The following SMYD3 variants were observed in gnomAD, a reference collection of about 807,000 sequenced individuals.
SMYD3 encodes histone-lysine N-methyltransferase SMYD3.
In SMYD3, 36 loss-of-function variants were observed where a neutral mutation model predicts 57.7. The ratio of observed to expected loss-of-function variants is 0.62; its 90% CI spans 0.48 to 0.82. The LOEUF (loss-of-function observed/expected upper bound fraction) is 0.82, where lower values mean the gene tolerates loss of function less well. Ranked by LOEUF, SMYD3 falls within the 40% of genes least tolerant of loss-of-function variation. The probability of loss-of-function intolerance (pLI) is 0.00; values close to 1 mark genes in which losing one functional copy is unlikely to be tolerated. For missense variants in SMYD3, 515 were observed against 538.8 expected (o/e 0.96, Z 0.44); for synonymous variants, 211 against 195.0 (o/e 1.08, Z -0.68).
rs575776942 is a variant in SMYD3, at chr1:246,182,669, T to G, written c.531+144532A>C. Among the ~76,000 whole-genome samples, 285 of 152,314 alleles carry G rather than the reference T, an allele frequency of 1.9e-3. 1 individual carries two copies. The highest frequency in any genetic ancestry group is 6.6e-3 in the African/African-American group (276 of 41,568). On this transcript the variant is annotated intron_variant, in intron 5 of 11. Coordinates refer to ENST00000490107, the MANE Select transcript of SMYD3 (RefSeq NM_001167740.2). Reference sequence around the variant, plus strand: ...TGTTCTTCCACCATATAAAGCACTTTGAGTCACAATTAGAAAAATAAAACT... The same window carrying G: ...TGTTCTTCCACCATATAAAGCACTTGGAGTCACAATTAGAAAAATAAAACT...
intron 5 of SMYD3, among the ~76,000 whole-genome samples, chr1:246,146,961 G>C (rs2061852975): frequency 1.3e-5 from 2 of 152,198 alleles, no homozygotes; most frequent in African/African-American, 2.4e-5. Context: ...TGGAGTTAGA[G>C]ACAGGCCGTT....
intron 10 of SMYD3, among the ~76,000 whole-genome samples, chr1:245,842,139 C>T (rs144315145): frequency 6.6e-6 from 1 of 152,076 alleles, no homozygotes; most frequent in Non-Finnish European, 1.5e-5. Context: ...ATGACGATTG[C>T]GTGACAACAA....
In SMYD3 at chr1:245,792,711, A is replaced by G. The variant is rs186735878; in HGVS notation, c.1077-28562T>C. The stretch of plus-strand genomic sequence containing the variant: ...AGATAAAGTTGTCTATCGCTAACAT[A>G]TAGCTTCTTTACAAACAGTAGCTCT... On this transcript the variant is annotated intron_variant, in intron 10 of 11. Coordinates refer to ENST00000490107, the MANE Select transcript of SMYD3 (RefSeq NM_001167740.2). Among the ~76,000 whole-genome samples the G allele has an allele frequency of 4.6e-3, 706 of 152,286 alleles. 11 individuals are homozygous for G. Among genetic ancestry groups the G allele is most frequent in the South Asian group, 0.018 (88 of 4,820 alleles).
chr1:245,867,858 C>T (rs10737776), intron 8 of SMYD3, among the ~76,000 whole-genome samples: 151,863 of 152,338 alleles, frequency 1, 75,697 homozygotes, highest in Middle Eastern at 1. Flanking sequence ...CCAGGAAGAG[C>T]GGAGGGCAAG....
intron 5 of SMYD3, among the ~76,000 whole-genome samples, chr1:246,229,273 C>A (rs1390647904): frequency 6.6e-6 from 1 of 151,930 alleles, no homozygotes; most frequent in Non-Finnish European, 1.5e-5. Context: ...TGCAATAATT[C>A]TTTGAAATCC....
At chr1:246,241,303 G>T (rs924729710) in intron 5 of SMYD3, among the ~76,000 whole-genome samples, 8 of 152,122 alleles carry the variant, frequency 5.3e-5, no homozygotes, top group African/African-American at 1.7e-4. Flanking sequence ...TAGCATGAAG[G>T]GCTGATGAAT....
chr1:246,497,341 C>A (rs940339021), intron 1 of SMYD3, among the ~76,000 whole-genome samples: 2 of 151,976 alleles, frequency 1.3e-5, no homozygotes, highest in Non-Finnish European at 2.9e-5. Flanking sequence ...CTTTTTTGGT[C>A]TAATTCAAAA....
chr1:246,103,481 A>G (rs1573027689), intron 5 of SMYD3, among the ~76,000 whole-genome samples: 1 of 150,474 alleles, frequency 6.6e-6, no homozygotes, highest in South Asian at 2.1e-4. Flanking sequence ...CTGGCCCCCC[A>G]TCTCTTCCCA....
intron 5 of SMYD3, among the ~76,000 whole-genome samples, chr1:246,188,714 A>C (rs910490952): frequency 7.2e-5 from 11 of 152,016 alleles, no homozygotes; most frequent in Admixed American, 5.2e-4. Flanking sequence ...TAATCCCAAC[A>C]CTTTGGGGGG....
intron 1 of SMYD3, among the ~76,000 whole-genome samples, chr1:246,392,167 C>T (rs1045953573): frequency 4.6e-5 from 7 of 152,006 alleles, no homozygotes; most frequent in Admixed American, 1.3e-4. Context: ...AATAGGCATT[C>T]GGTAAATGCT....
intron 5 of SMYD3, among the ~76,000 whole-genome samples, chr1:246,005,934 T>C (rs1269259831): frequency 1.3e-5 from 2 of 152,120 alleles, no homozygotes; most frequent in African/African-American, 4.8e-5. Context: ...TCATCTTCAA[T>C]TGGCCTCCAT....
chr1:246,407,216 CT>C (rs1345980891), intron 1 of SMYD3, among the ~76,000 whole-genome samples: 1 of 152,222 alleles, frequency 6.6e-6, no homozygotes, highest in Non-Finnish European at 1.5e-5. Flanking sequence ...TAGATTGTAA[CT>C]GCTGATTATG....
intron 5 of SMYD3, among the ~76,000 whole-genome samples, chr1:246,150,985 C>T (rs534253521): frequency 3.9e-5 from 6 of 152,290 alleles, no homozygotes; most frequent in South Asian, 2.1e-4. Flanking sequence ...CAGTGGCTCA[C>T]GCCTGTAATC....
chr1:246,487,030 C>T (rs2068198942), intron 1 of SMYD3, among the ~76,000 whole-genome samples: 1 of 152,134 alleles, frequency 6.6e-6, no homozygotes, highest in South Asian at 2.1e-4. Flanking sequence ...TAGAACTATA[C>T]TGAAGAATTT....
At chr1:245,892,023 G>A (rs981612231) in intron 8 of SMYD3, among the ~76,000 whole-genome samples, 8 of 152,018 alleles carry the variant, frequency 5.3e-5, no homozygotes, top group Non-Finnish European at 7.4e-5. Flanking sequence ...AAAGAGTGAC[G>A]CCCTGTCTCA....
chr1:245,841,640 T>C (rs1201489859), intron 10 of SMYD3, among the ~76,000 whole-genome samples: 4 of 152,124 alleles, frequency 2.6e-5, no homozygotes, highest in African/African-American at 9.7e-5. Context: ...CAAAATAAAA[T>C]AACATTTTTA....
At chr1:246,279,338 T>A (rs1267047031) in intron 5 of SMYD3, among the ~76,000 whole-genome samples, 3 of 152,016 alleles carry the variant, frequency 2.0e-5, no homozygotes, top group Non-Finnish European at 4.4e-5. Flanking sequence ...CTGGCCAACA[T>A]GGCGAAACCC....
At chr1:245,977,497 G>A (rs1425290173) in intron 5 of SMYD3, among the ~76,000 whole-genome samples, 4 of 152,132 alleles carry the variant, frequency 2.6e-5, no homozygotes, top group African/African-American at 9.7e-5. Flanking sequence ...TGGGCAACAT[G>A]GTGAAACCTC....
intron 5 of SMYD3, among the ~76,000 whole-genome samples, chr1:246,194,599 C>T (rs562785844): frequency 1.3e-5 from 2 of 152,170 alleles, no homozygotes; most frequent in East Asian, 1.9e-4. Context: ...CATTATCTCA[C>T]GAGTAGACAT....
Sources: allele counts gnomAD v4.1 joint callset (sites outside exome capture counted in the v4.1 genomes callset), GRCh38; gene constraint gnomAD v4.1.1; transcripts MANE v1.5; gene names NCBI Gene and HGNC (gene_info 2026-07-23, HGNC 2026-07-21).